The following RBPJ variants were observed in gnomAD, a reference collection of about 807,000 sequenced individuals.
RBPJ encodes the protein recombining binding protein suppressor of hairless.
A neutral mutation model predicts 67.8 loss-of-function variants in RBPJ; 9 were observed. That is an observed-to-expected ratio of 0.13 (90% CI 0.08 to 0.23). The LOEUF (loss-of-function observed/expected upper bound fraction) is 0.23. RBPJ is among the 10% of genes least tolerant of loss of function. The pLI, the probability that RBPJ is intolerant of heterozygous loss-of-function variation, is 1.00. For synonymous variants in RBPJ, 198 were observed against 203.3 expected (o/e 0.97, Z 0.22); for missense variants, 305 against 595.6 (o/e 0.51, Z 5.08).
intron 1 of RBPJ, among the ~76,000 whole-genome samples, chr4:26,379,223 A>C (rs1443478070): frequency 6.6e-6 from 1 of 151,580 alleles, no homozygotes; most frequent in East Asian, 2.0e-4. Flanking sequence ...TCTGTTGCCC[A>C]GGCTGGAGTA....
chr4:26,317,593 G>C (rs1567543), upstream of RBPJ, among the ~76,000 whole-genome samples: 2 of 152,208 alleles, frequency 1.3e-5, no homozygotes, highest in African/African-American at 4.8e-5. Flanking sequence ...CGGAAGAAGG[G>C]AGGACCAGTT....
At chr4:26,375,402 A>T (rs909383399) in intron 1 of RBPJ, among the ~76,000 whole-genome samples, 19 of 151,852 alleles carry the variant, frequency 1.3e-4, no homozygotes, top group Admixed American at 5.3e-4. Context: ...CTTCATATGG[A>T]TAGGGACAGT....
intron 1 of RBPJ, among the ~76,000 whole-genome samples, chr4:26,172,136 TG>T (rs1257572055): frequency 6.6e-6 from 1 of 152,128 alleles, no homozygotes; most frequent in African/African-American, 2.4e-5. Flanking sequence ...TTCAACAACA[TG>T]GATGGAACTA....
chr4:26,431,028 C>CT lies in RBPJ; in HGVS notation c.*23dup. On this transcript the variant is annotated 3_prime_UTR_variant, in exon 11 of 11. Coordinates refer to ENST00000355476, the MANE Select transcript of RBPJ (RefSeq NM_015874.6). ...CCTAACTACCGTCTTTTTGCTAGGA[C>CT]TTAAACTGACTTGAGTGTGGCAAAA... is the stretch of plus-strand genomic sequence containing the variant. The CT allele has an allele frequency of 1.3e-6, 2 of 1,594,272 alleles. No homozygotes were observed. Among genetic ancestry groups the CT allele is most frequent in the Non-Finnish European group, 1.7e-6 (2 of 1,164,072 alleles).
chr4:26,333,103 T>C (rs1011968291), intron 1 of RBPJ, among the ~76,000 whole-genome samples: 2 of 152,076 alleles, frequency 1.3e-5, no homozygotes, highest in African/African-American at 4.8e-5. Flanking sequence ...TCCTCCAAAC[T>C]TGGATGGAAA....
At chr4:26,354,909 T>C (rs1037331224) in intron 1 of RBPJ, among the ~76,000 whole-genome samples, 21 of 152,252 alleles carry the variant, frequency 1.4e-4, no homozygotes, top group African/African-American at 1.4e-4. Context: ...AAAATTGTTA[T>C]ACTTTTCTAC....
intron 3 of RBPJ, chr4:26,412,904 T>A (rs1188035938): frequency 2.0e-5 from 3 of 152,226 alleles, no homozygotes; most frequent in African/African-American, 7.2e-5. Context: ...CTAGCCCAGC[T>A]AATCCAGGCT....
the RBPJ span, among the ~76,000 whole-genome samples, chr4:26,130,817 C>T: frequency 2.6e-5 from 4 of 152,206 alleles, no homozygotes; most frequent in Non-Finnish European, 4.4e-5. Flanking sequence ...CTTAGGTTTA[C>T]AGCTCTCACA....
At position 26,431,792 on chromosome 4, in the gene RBPJ, CTT is replaced by C. The variant is rs1736260552; in HGVS notation, c.*786_*787del. ...TGCAATGTATGTTAACTTAGTCTCT[CTT>C]CTCAGACACTGTTGGTAGTTATTTC... On this transcript the variant is annotated 3_prime_UTR_variant, in exon 11 of 11. Transcript: ENST00000355476. 1 of 152,080 alleles carries C rather than the reference CTT, an allele frequency of 6.6e-6. No individual in the cohort carries two copies. The allele number at this position is 152,080 out of a possible 1,614,324, so 9.4% of individuals were successfully genotyped here.
intron 3 of RBPJ, chr4:26,409,975 G>A (rs1733857958): frequency 2.3e-6 from 1 of 431,454 alleles, no homozygotes; most frequent in Admixed American, 2.7e-5. Context: ...AAATTTCAAA[G>A]TAGACCTGCA....
intron 1 of RBPJ, among the ~76,000 whole-genome samples, chr4:26,243,826 G>A (rs1218305177): frequency 1.3e-5 from 2 of 152,128 alleles, no homozygotes; most frequent in Non-Finnish European, 2.9e-5. Flanking sequence ...CAGGCACAGT[G>A]GATCACTCCT....
intron 1 of RBPJ, among the ~76,000 whole-genome samples, chr4:26,265,864 C>G (rs906688606): frequency 1.6e-4 from 24 of 152,190 alleles, no homozygotes; most frequent in East Asian, 7.7e-4. Context: ...TGGTGAAACC[C>G]CTTCTCTACT....
intron 1 of RBPJ, among the ~76,000 whole-genome samples, chr4:26,205,286 A>G (rs1718130943): frequency 6.6e-6 from 1 of 152,130 alleles, no homozygotes; most frequent in Admixed American, 6.5e-5. Context: ...GCCAGTGTGG[A>G]GTATAGGACA....
intron 1 of RBPJ, among the ~76,000 whole-genome samples, chr4:26,366,575 C>T (rs1391525207): frequency 6.6e-6 from 1 of 151,972 alleles, no homozygotes; most frequent in African/African-American, 2.4e-5. Flanking sequence ...CAGGCGCGTG[C>T]CATCATGCCT....
In RBPJ at chr4:26,372,038, C is replaced by T. The variant is rs1173221523; in HGVS notation, c.21-14315C>T. Among the ~76,000 whole-genome samples the T allele has an allele frequency of 2.6e-5, 4 of 152,224 alleles. No individual in the cohort carries two copies. The East Asian group carries it at 7.7e-4, about 29-fold the overall frequency. On this transcript the variant is annotated intron_variant, in intron 1 of 10. Transcript: ENST00000355476. ...CCTTTTTAAATTAGAAATAATGCTG[C>T]CTCTCAGGATTGTTAATGATACTTA...
the RBPJ span, among the ~76,000 whole-genome samples, chr4:26,150,600 TC>T: frequency 6.6e-6 from 1 of 151,810 alleles, no homozygotes; most frequent in Non-Finnish European, 1.5e-5. Flanking sequence ...AGTTTTCCCA[TC>T]CGAAAAAAAG....
At chr4:26,319,870 G>T, upstream of RBPJ, 1 of 1,570,402 alleles carries the variant, frequency 6.4e-7, no homozygotes, top group Non-Finnish European at 8.8e-7. Flanking sequence ...CAAAGGAGGG[G>T]AAAGATGGGG....
At chr4:26,366,276 T>TG (rs1181992585) in intron 1 of RBPJ, among the ~76,000 whole-genome samples, 18 of 151,376 alleles carry the variant, frequency 1.2e-4, no homozygotes, top group African/African-American at 3.1e-4. Flanking sequence ...TCAGTAGTTT[T>TG]TTTTTGTTTT....
the RBPJ span, among the ~76,000 whole-genome samples, chr4:26,116,114 C>T: frequency 6.6e-6 from 1 of 152,236 alleles, no homozygotes; most frequent in Non-Finnish European, 1.5e-5. Flanking sequence ...TGTTCTCATT[C>T]AATAAAATTG....
Sources: gnomAD v4.1 joint callset for allele counts (sites outside exome capture counted in the v4.1 genomes callset) on GRCh38, gnomAD v4.1.1 for gene constraint, MANE v1.5 for transcripts, NCBI Gene and HGNC (gene_info 2026-07-23, HGNC 2026-07-21) for gene names.